The following ASTN2 variants were observed in gnomAD, a reference collection of about 807,000 sequenced individuals.
ASTN2 encodes astrotactin-2.
A neutral mutation model predicts 139.8 loss-of-function variants in ASTN2; 54 were observed. The ratio of observed to expected loss-of-function variants is 0.39; its 90% CI spans 0.31 to 0.48. ASTN2 has a LOEUF of 0.48. Ranked by LOEUF, ASTN2 falls within the 20% of genes least tolerant of loss-of-function variation. The pLI is 0.95. For missense variants in ASTN2, 1,565 were observed against 1,725.1 expected (o/e 0.91, Z 1.64); for synonymous variants, 756 against 719.5 (o/e 1.05, Z -0.81).
At chr9:117,238,473 C>T (rs1271740926) in intron 2 of ASTN2, among the ~76,000 whole-genome samples, 2 of 152,182 alleles carry the variant, frequency 1.3e-5, no homozygotes, top group African/African-American at 4.8e-5. Context: ...CAAGGGTCCT[C>T]CCAGTGCTGA....
intron 14 of ASTN2, among the ~76,000 whole-genome samples, chr9:116,732,061 G>T (rs1588247337): frequency 6.6e-6 from 1 of 152,292 alleles, no homozygotes; most frequent in East Asian, 1.9e-4. Flanking sequence ...ATTTTACAAG[G>T]TGTCTTTTAC....
At chr9:117,015,298 T>G (rs985593820) in intron 6 of ASTN2, among the ~76,000 whole-genome samples, 11 of 152,142 alleles carry the variant, frequency 7.2e-5, no homozygotes, top group African/African-American at 2.7e-4. Flanking sequence ...GGATTACAGG[T>G]GTGAACCCCT....
At chr9:117,203,041 T>C (rs1208681576) in intron 3 of ASTN2, among the ~76,000 whole-genome samples, 1 of 152,046 alleles carries the variant, frequency 6.6e-6, no homozygotes, top group African/African-American at 2.4e-5. Flanking sequence ...TCTTTTTTGT[T>C]CTTTTATCTC....
At chr9:116,635,023 A>T (rs1221692852) in intron 17 of ASTN2, among the ~76,000 whole-genome samples, 1 of 152,248 alleles carries the variant, frequency 6.6e-6, no homozygotes, top group Non-Finnish European at 1.5e-5. Flanking sequence ...GTTCAATCGT[A>T]CTAGCTATTG....
intron 2 of ASTN2, among the ~76,000 whole-genome samples, chr9:117,223,887 T>C (rs1832614055): frequency 6.6e-6 from 1 of 152,172 alleles, no homozygotes; most frequent in Non-Finnish European, 1.5e-5. Context: ...CTCTTTAAAA[T>C]AAATCATCTA....
chr9:116,932,340 C>G (rs1185251894), intron 10 of ASTN2, among the ~76,000 whole-genome samples: 1 of 152,130 alleles, frequency 6.6e-6, no homozygotes, highest in Admixed American at 6.5e-5. Context: ...GTAGTGGACC[C>G]TAATGGCTGC....
At chr9:117,007,131 T>C (rs1048767654) in intron 7 of ASTN2, among the ~76,000 whole-genome samples, 1 of 152,058 alleles carries the variant, frequency 6.6e-6, no homozygotes, top group Non-Finnish European at 1.5e-5. Context: ...ATTGACATGG[T>C]TTATTCTCCC....
chr9:117,190,142 G>C (rs1248906623), intron 3 of ASTN2, among the ~76,000 whole-genome samples: 3 of 152,184 alleles, frequency 2.0e-5, no homozygotes, highest in African/African-American at 7.2e-5. Context: ...TTCCAAAGCA[G>C]TTGCTACCAC....
At chr9:116,883,251 T>C (rs1833498547) in intron 10 of ASTN2, among the ~76,000 whole-genome samples, 1 of 152,192 alleles carries the variant, frequency 6.6e-6, no homozygotes. Flanking sequence ...AAAAAGTTTG[T>C]TATAATATTA....
At chr9:116,587,467 A>G (rs910511381) in intron 19 of ASTN2, among the ~76,000 whole-genome samples, 1 of 151,990 alleles carries the variant, frequency 6.6e-6, no homozygotes, top group Non-Finnish European at 1.5e-5. Flanking sequence ...ACTCAGGGTT[A>G]GACAACCTAT....
At chr9:116,634,317 G>A (rs1181746256) in intron 17 of ASTN2, among the ~76,000 whole-genome samples, 2 of 151,882 alleles carry the variant, frequency 1.3e-5, no homozygotes, top group Admixed American at 1.3e-4. Flanking sequence ...AGGGCCGGGC[G>A]CGGTGGCTCA....
Position 116,625,549 on chromosome 9 carries a change from T to A in ASTN2, c.3073-5106A>T, listed in dbSNP as rs192748142. ...GTCTCCCCACTCTCATGTTGCCTTC[T>A]CCAGCATGTCCTCTCACAGCTTTCT... On this transcript the variant is annotated intron_variant, in intron 17 of 22. Coordinates refer to ENST00000313400, the MANE Select transcript of ASTN2 (RefSeq NM_001365068.1). 1.2e-3 allele frequency among the ~76,000 whole-genome samples: 186 copies of A among 150,882 alleles called. 1 individual carries two copies. Among genetic ancestry groups the A allele is most frequent in the African/African-American group, 4.3e-3 (178 of 41,088 alleles).
At chr9:117,281,174 C>T (rs1834315056) in intron 2 of ASTN2, among the ~76,000 whole-genome samples, 1 of 152,168 alleles carries the variant, frequency 6.6e-6, no homozygotes, top group South Asian at 2.1e-4. Flanking sequence ...AAGAAAGGGA[C>T]CTTCCCTGGG....
rs532675270 is a variant in ASTN2 at position 117,357,845 on chromosome 9, T to C, written c.442+56652A>G. Among the ~76,000 whole-genome samples the C allele has an allele frequency of 2.0e-5, 3 of 152,306 alleles. No homozygotes were observed. In the South Asian group the frequency reaches 6.2e-4, roughly 32 times the overall value. On this transcript the variant is annotated intron_variant, in intron 1 of 22. Coordinates refer to ENST00000313400, the MANE Select transcript of ASTN2 (RefSeq NM_001365068.1). ...ACTTGCAATAAGGTCCTCTTGGAAGTCTGGGTACCTAACCCTTTGGAGGGA... is the reference window on the plus strand; with the variant it reads ...ACTTGCAATAAGGTCCTCTTGGAAGCCTGGGTACCTAACCCTTTGGAGGGA...
intron 2 of ASTN2, among the ~76,000 whole-genome samples, chr9:117,274,656 G>A (rs1834143651): frequency 6.6e-6 from 1 of 152,204 alleles, no homozygotes; most frequent in Non-Finnish European, 1.5e-5. Flanking sequence ...AGGTGCCATG[G>A]CACTTCGTAT....
At chr9:116,633,105 A>C (rs1284305424) in intron 17 of ASTN2, among the ~76,000 whole-genome samples, 1 of 152,238 alleles carries the variant, frequency 6.6e-6, no homozygotes, top group African/African-American at 2.4e-5. Flanking sequence ...ACTATCTCCA[A>C]ATCATTTGTC....
chr9:116,787,916 T>C lies in ASTN2; in HGVS notation c.2396+17716A>G, dbSNP rs117800881. The stretch of plus-strand genomic sequence containing the variant: ...ACCATAAAAATATAAGAGGATGCTA[T>C]GGGAAACTGATTGCAGGGTATATGG... On this transcript the variant is annotated intron_variant, in intron 13 of 22. Transcript: ENST00000313400. 4.5e-3 allele frequency among the ~76,000 whole-genome samples: 690 copies of C among 152,314 alleles called. 2 individuals are homozygous for C. Among genetic ancestry groups the C allele is most frequent in the Non-Finnish European group, 7.7e-3 (523 of 68,026 alleles).
intron 2 of ASTN2, among the ~76,000 whole-genome samples, chr9:117,256,340 GA>G (rs780664464): frequency 1.3e-5 from 2 of 152,192 alleles, no homozygotes; most frequent in Non-Finnish European, 2.9e-5. Context: ...GCAGTCCTCA[GA>G]AATGCCACTC....
intron 17 of ASTN2, among the ~76,000 whole-genome samples, chr9:116,630,349 T>C (rs1856686107): frequency 6.6e-6 from 1 of 152,204 alleles, no homozygotes; most frequent in Non-Finnish European, 1.5e-5. Context: ...TTGTATTGTT[T>C]CCATGCAACC....
Sources: allele counts gnomAD v4.1 joint callset (sites outside exome capture counted in the v4.1 genomes callset), GRCh38; gene constraint gnomAD v4.1.1; transcripts MANE v1.5; gene names NCBI Gene and HGNC (gene_info 2026-07-23, HGNC 2026-07-21).